MEGF8: variants seen among roughly 807,000 people sequenced by gnomAD.
The protein encoded by MEGF8 is multiple EGF like domains 8, also known as multiple epidermal growth factor-like domains protein 8.
In MEGF8, 156 loss-of-function variants were observed where a neutral mutation model predicts 302.9. That is an observed-to-expected ratio of 0.52 (90% confidence interval 0.45 to 0.59). The LOEUF (loss-of-function observed/expected upper bound fraction) is 0.59, where lower values mean the gene tolerates loss of function less well. Among genes scored for constraint, MEGF8 ranks in the 20% least tolerant of loss-of-function variants. The probability of loss-of-function intolerance (pLI) is 0.00; values close to 1 mark genes in which losing one functional copy is unlikely to be tolerated. For missense variants in MEGF8, 3,345 were observed against 3,964.5 expected, an observed-to-expected ratio of 0.84 and a Z score of 4.20; for synonymous variants, 1,621 against 1,660.5, an observed-to-expected ratio of 0.98 and a Z score of 0.58.
In MEGF8 at chr19:42,370,846, G is replaced by T. The variant is rs766799371; in HGVS notation, c.7136+15G>T. ...AAGTGCACCAAGTAAGAGGAACCGG[G>T]GGGGGGGGGGGGGGGGGGGGGGGGG... On this transcript the variant is annotated intron_variant, in intron 40 of 41. Coordinates refer to ENST00000251268, the MANE Select transcript of MEGF8 (RefSeq NM_001271938.2). The T allele has an allele frequency of 7.6e-5, 8 of 104,996 alleles. No individual in the cohort carries two copies. Among genetic ancestry groups the T allele is most frequent in the Non-Finnish European group, 1.0e-4 (5 of 48,300 alleles). The allele number at this position is 104,996 out of a possible 1,614,324, so 6.5% of individuals were successfully genotyped here.
chr19:42,372,136 A>G (rs144350557), intron 41 of MEGF8, among the ~76,000 whole-genome samples: 19 of 152,202 alleles, frequency 1.2e-4, no homozygotes, highest in South Asian at 2.1e-4. Flanking sequence ...CTTAGAACTG[A>G]GGGTCTGGGG....
chr19:42,343,674 G>A, intron 9 of MEGF8, 43 bp downstream of exon 9: 14 of 1,551,026 alleles, frequency 9.0e-6, no homozygotes, highest in Non-Finnish European at 1.2e-5. Context: ...GGGGGGAGGA[G>A]GTAGCAGGGT....
chr19:42,357,389 C>T lies in MEGF8; in HGVS notation c.4831-15C>T. On this transcript the variant is annotated splice_polypyrimidine_tract_variant and intron_variant, in intron 27 of 41. Coordinates refer to ENST00000251268, the MANE Select transcript of MEGF8 (RefSeq NM_001271938.2). The surrounding 1 kb of genome is among the most constrained non-coding windows in gnomAD (Gnocchi z 5.2). ...CCTCTAGCCCCATCGGTGACCTTGC[C>T]CCTCCATCCCTCAGGCCCCCCAGAC... The T allele has an allele frequency of 5.6e-6, 9 of 1,610,568 alleles. No individual in the cohort carries two copies. Among genetic ancestry groups the T allele is most frequent in the Non-Finnish European group, 6.8e-6 (8 of 1,177,692 alleles).
At chr19:42,359,077 C>G in intron 30 of MEGF8, 21 bp from the exon 31 acceptor site, 3 of 1,507,798 alleles carry the variant, frequency 2.0e-6, no homozygotes, top group Non-Finnish European at 2.7e-6. Flanking sequence ...CCTGTCCCCC[C>G]ACCCCCCGTC....
intron 13 of MEGF8, among the ~76,000 whole-genome samples, 155 bp downstream of exon 13, chr19:42,348,627 T>A (rs1210958668): frequency 6.6e-6 from 1 of 152,092 alleles, no homozygotes; most frequent in Non-Finnish European, 1.5e-5. Flanking sequence ...TAAGACAGAG[T>A]CTCACTCTGT....
At position 42,357,525 on chromosome 19, in the gene MEGF8, AG is replaced by A; in HGVS notation, c.4953del (p.Glu1651AspfsTer79). 1 of 1,613,514 alleles carries A rather than the reference AG, an allele frequency of 6.2e-7. No homozygotes were observed. The highest frequency in any genetic ancestry group is 8.5e-7 in the Non-Finnish European group (1 of 1,179,762). ...PENGFNQQLL[E>X]YQLATGTWVS... ...AATGGCTTCAACCAGCAGCTGCTGG[AG>A]TACCAGCTGGCAACCGGCACCTGGG... On this transcript the variant is annotated frameshift_variant, in exon 28 of 42. Transcript: ENST00000251268. LOFTEE classifies it high-confidence loss of function. The surrounding 1 kb of genome is among the most constrained non-coding windows in gnomAD (Gnocchi z 5.2).
chr19:42,326,007 A>G lies in MEGF8; in HGVS notation c.-237A>G. 1 of 542,374 alleles carries G rather than the reference A, an allele frequency of 1.8e-6. No homozygotes were observed. Among genetic ancestry groups the G allele is most frequent in the Non-Finnish European group, 2.9e-6 (1 of 343,266 alleles). The allele number at this position is 542,374 out of a possible 1,614,324, so 33.6% of individuals were successfully genotyped here. A position where few individuals can be genotyped will look rare whatever the true frequency, so the allele number is the denominator to read the frequency against. On this transcript the variant is annotated 5_prime_UTR_variant, in exon 1 of 42. In the 5' UTR this introduces an upstream ATG that the reference lacks. Coordinates refer to ENST00000251268, the MANE Select transcript of MEGF8 (RefSeq NM_001271938.2). ...GTCCCTAGGGTTCGGCCCCGTCCAT[A>G]ATGACTCCATATACAGGGCCTTCCA...
In MEGF8 at chr19:42,362,602, G is replaced by A. The variant is rs371752630; in HGVS notation, c.6058+5G>A. On this transcript the variant is annotated splice_donor_5th_base_variant and intron_variant, in intron 34 of 41. Transcript: ENST00000251268. ...CGCGGCAGTTCAAGAGGACAGGTGA[G>A]CAGTGGGCCTAGTTCCTGAGAGGGG... 2.5e-6 allele frequency: 4 copies of A among 1,608,824 alleles called. No individual in the cohort carries two copies. Among genetic ancestry groups the A allele is most frequent in the African/African-American group, 2.7e-5 (2 of 74,146 alleles).
rs754713142 is a variant in MEGF8, at chr19:42,353,685, C to T, written c.3761+10C>T. Reference sequence around the variant, plus strand: ...ATTATGGGGATCCCCGGTGAGCCAACGGGCCAGCCAGGGCTGGGTAGGGTG... The same window carrying T: ...ATTATGGGGATCCCCGGTGAGCCAATGGGCCAGCCAGGGCTGGGTAGGGTG... On this transcript the variant is annotated intron_variant, in intron 21 of 41. Transcript: ENST00000251268. The surrounding 1 kb of genome is among the most constrained non-coding windows in gnomAD (Gnocchi z 6.1). 44 of 1,576,472 alleles carry T rather than the reference C, an allele frequency of 2.8e-5. No individual in the cohort carries two copies. Among genetic ancestry groups the T allele is most frequent in the East Asian group, 6.8e-5 (3 of 43,926 alleles).
chr19:42,325,857 C>T lies in MEGF8; in HGVS notation c.-387C>T. On this transcript the variant is annotated 5_prime_UTR_variant, in exon 1 of 42. Transcript: ENST00000251268. The stretch of plus-strand genomic sequence containing the variant: ...GCTCCTGCCGGGCCGTAGAGCCCTT[C>T]GCCCCCTGGGGACCCACCCGTCTAT... 5.5e-6 allele frequency: 1 copy of T among 181,666 alleles called. No homozygotes were observed. Among genetic ancestry groups the T allele is most frequent in the Non-Finnish European group, 1.1e-5 (1 of 88,086 alleles). The allele number at this position is 181,666 out of a possible 1,614,324, so 11.3% of individuals were successfully genotyped here.
chr19:42,355,700 G>A, intron 23 of MEGF8, 58 bp from the exon 24 acceptor site: 1 of 1,494,808 alleles, frequency 6.7e-7, no homozygotes, highest in Non-Finnish European at 9.0e-7. Context: ...TAGCATCTGG[G>A]GGTGGAAGGG....
At chr19:42,341,186 CTT>C (rs1440759891) in intron 8 of MEGF8, among the ~76,000 whole-genome samples, 1 of 152,128 alleles carries the variant, frequency 6.6e-6, no homozygotes, top group African/African-American at 2.4e-5. Flanking sequence ...AATGCCAGCA[CTT>C]TGGGAGGCCA....
rs758302996 is a variant in MEGF8, at chr19:42,336,948, C to G, written c.1386C>G (p.Val462=). ...GTGTTCTGGGCAATTACATGGTGGTCTATGGTGAGGAGGCTCCCCAATCCT... is the reference window on the plus strand; with the variant it reads ...GTGTTCTGGGCAATTACATGGTGGTGTATGGTGAGGAGGCTCCCCAATCCT... ...TASVLGNYMV[V]YGGNVHTHYQ... Residue 462 remains valine (V), a synonymous_variant, in exon 7 of 42, where the codon GTC becomes GTG. Transcript: ENST00000251268. This position sits in a 1 kb window ranked among gnomAD's most constrained non-coding sequence, Gnocchi z 4.8. 1.2e-6 allele frequency: 2 copies of G among 1,613,740 alleles called. No homozygotes were observed. The highest frequency in any genetic ancestry group is 1.7e-6 in the Non-Finnish European group (2 of 1,179,850).
Position 42,357,679 on chromosome 19 carries a change from A to G in MEGF8, c.5011+95A>G. On this transcript the variant is annotated intron_variant, in intron 28 of 41. Transcript: ENST00000251268. This position sits in a 1 kb window ranked among gnomAD's most constrained non-coding sequence, Gnocchi z 5.2. ...CCATCCACTGCTGTGCTCTGTGGCC[A>G]CCTGTCTCCCTCTCTTTCCCATCCC... 1.3e-5 allele frequency: 15 copies of G among 1,128,458 alleles called. No homozygotes were observed. The highest frequency in any genetic ancestry group is 1.7e-5 in the Non-Finnish European group (14 of 804,928). The allele number at this position is 1,128,458 out of a possible 1,614,324, so 69.9% of individuals were successfully genotyped here. A position where few individuals can be genotyped will look rare whatever the true frequency, so the allele number is the denominator to read the frequency against.
chr19:42,333,983 AC>A (rs1220829284), intron 2 of MEGF8, 23 bp from the exon 3 acceptor site: 8 of 1,606,754 alleles, frequency 5.0e-6, no homozygotes, highest in Non-Finnish European at 5.1e-6. Flanking sequence ...TGCCCACCTT[AC>A]CCAGCACACC....
At chr19:42,345,245 T>C (rs2039273014) in intron 12 of MEGF8, among the ~76,000 whole-genome samples, 1 of 152,254 alleles carries the variant, frequency 6.6e-6, no homozygotes, top group Non-Finnish European at 1.5e-5. Context: ...ACTCTGGGAT[T>C]ACAGGCATGA....
chr19:42,353,708 G>A lies in MEGF8; in HGVS notation c.3761+33G>A. ...AACGGGCCAGCCAGGGCTGGGTAGG[G>A]TGTGCTTGGGGACACAGTGGGGAGG... On this transcript the variant is annotated intron_variant, in intron 21 of 41. Coordinates refer to ENST00000251268, the MANE Select transcript of MEGF8 (RefSeq NM_001271938.2). The surrounding 1 kb of genome is among the most constrained non-coding windows in gnomAD (Gnocchi z 6.1). 1.3e-6 allele frequency: 2 copies of A among 1,574,636 alleles called. No homozygotes were observed.
Position 42,352,251 on chromosome 19 carries a change from T to C in MEGF8, c.3145T>C (p.Cys1049Arg), listed in dbSNP as rs1388992387. 3.2e-6 allele frequency: 5 copies of C among 1,560,078 alleles called. No homozygotes were observed. The highest frequency in any genetic ancestry group is 3.5e-6 in the Non-Finnish European group (4 of 1,150,178). The change falls in exon 19 of 42, where the codon TGC becomes CGC. Residue 1049 changes from cysteine (C) to arginine (R), a missense_variant. Cys to Arg is a radical substitution (Grantham distance 180). Coordinates refer to ENST00000251268, the MANE Select transcript of MEGF8 (RefSeq NM_001271938.2). This position sits in a 1 kb window ranked among gnomAD's most constrained non-coding sequence, Gnocchi z 4.4. ...DFSGPLGGGN[C>R]SLWVGEGLGL... ...CTCAGGGCCCCTCGGTGGGGGTAAC[T>C]GCTCCCTGTGGGTGGGGGAGGGCCT...
chr19:42,347,259 TC>T (rs1421468450), intron 12 of MEGF8, among the ~76,000 whole-genome samples: 1 of 151,872 alleles, frequency 6.6e-6, no homozygotes, highest in African/African-American at 2.4e-5. Context: ...TACGACTGCT[TC>T]CTTTTTTTCT....
Sources: gnomAD v4.1 joint callset for allele counts (sites outside exome capture counted in the v4.1 genomes callset) on GRCh38, gnomAD v4.1.1 for gene constraint, Gnocchi (gnomAD v3.1) non-coding constraint, MANE v1.5 for transcripts, NCBI Gene and HGNC (gene_info 2026-07-23, HGNC 2026-07-21) for gene names.